LSAMP: variants seen among roughly 807,000 people sequenced by gnomAD.
The protein encoded by LSAMP is limbic system-associated membrane protein.
In LSAMP, 7 loss-of-function variants were observed where a neutral mutation model predicts 38.6. That is an observed-to-expected ratio of 0.18 (90% CI 0.10 to 0.34). The LOEUF is 0.34. LSAMP is among the 10% of genes least tolerant of loss of function. The pLI is 1.00. For synonymous variants in LSAMP, 154 were observed against 166.8 expected, an observed-to-expected ratio of 0.92 and a Z score of 0.59; for missense variants, 313 against 420.0, an observed-to-expected ratio of 0.75 and a Z score of 2.23.
chr3:115,879,578 C>T (rs1260135523), intron 3 of LSAMP, among the ~76,000 whole-genome samples: 7 of 152,082 alleles, frequency 4.6e-5, no homozygotes, highest in Non-Finnish European at 1.0e-4. Flanking sequence ...ATCATTAGTG[C>T]CTATAACATG....
intron 1 of LSAMP, 84 bp downstream of exon 1, chr3:116,444,787 GACACAC>G (rs61173418): frequency 1.8e-4 from 214 of 1,201,678 alleles, no homozygotes; most frequent in Non-Finnish European, 2.0e-4. Context: ...AAGGAGATCA[GACACAC>G]ACACACACAC....
At chr3:116,432,025 A>C (rs776837874) in intron 1 of LSAMP, among the ~76,000 whole-genome samples, 6 of 152,042 alleles carry the variant, frequency 3.9e-5, no homozygotes, top group Non-Finnish European at 7.4e-5. Flanking sequence ...AACAAAAAAC[A>C]TTGTCTGACT....
intron 1 of LSAMP, among the ~76,000 whole-genome samples, chr3:116,339,156 G>C (rs1435340265): frequency 6.6e-6 from 1 of 151,984 alleles, no homozygotes; most frequent in Non-Finnish European, 1.5e-5. Flanking sequence ...TACCAGGCAG[G>C]CTTTTGATAA....
chr3:116,206,377 G>T (rs1327873739), intron 1 of LSAMP, among the ~76,000 whole-genome samples: 2 of 151,098 alleles, frequency 1.3e-5, no homozygotes, highest in Non-Finnish European at 2.9e-5. Context: ...TTAATTTTTT[G>T]AAGGGTTTTT....
intron 2 of LSAMP, among the ~76,000 whole-genome samples, chr3:116,068,410 C>T (rs1707512680): frequency 6.6e-6 from 1 of 151,988 alleles, no homozygotes; most frequent in Non-Finnish European, 1.5e-5. Context: ...AACCTGTAGG[C>T]CTGCTTTGGG....
intron 3 of LSAMP, among the ~76,000 whole-genome samples, chr3:115,932,173 T>C (rs1937590726): frequency 6.6e-6 from 1 of 152,214 alleles, no homozygotes. Context: ...ATTACATTAT[T>C]TTAAACCTGA....
intron 1 of LSAMP, among the ~76,000 whole-genome samples, chr3:116,239,496 C>T (rs1228444035): frequency 6.6e-6 from 1 of 151,942 alleles, no homozygotes; most frequent in Non-Finnish European, 1.5e-5. Context: ...GTTTGTAAGA[C>T]AAAACAAGAT....
intron 1 of LSAMP, among the ~76,000 whole-genome samples, chr3:116,230,313 G>A (rs2046389206): frequency 6.6e-6 from 1 of 152,022 alleles, no homozygotes; most frequent in African/African-American, 2.4e-5. Context: ...CCTAGTTAGG[G>A]CTTCAGTATT....
intron 1 of LSAMP, among the ~76,000 whole-genome samples, chr3:116,306,221 A>C (rs1001861342): frequency 1.3e-5 from 2 of 152,040 alleles, no homozygotes; most frequent in Non-Finnish European, 2.9e-5. Flanking sequence ...AAGGTAGCAC[A>C]TTCTCCTTCT....
At chr3:116,049,102 C>G (rs957444203) in intron 2 of LSAMP, among the ~76,000 whole-genome samples, 4 of 152,190 alleles carry the variant, frequency 2.6e-5, no homozygotes, top group Non-Finnish European at 5.9e-5. Context: ...GTCTATGTTA[C>G]AGAGCATTGA....
intron 1 of LSAMP, among the ~76,000 whole-genome samples, chr3:116,302,345 C>G (rs1004854596): frequency 1.3e-5 from 2 of 152,140 alleles, no homozygotes; most frequent in African/African-American, 2.4e-5. Context: ...TTACCTGTTT[C>G]TCTTTTCATT....
intron 3 of LSAMP, among the ~76,000 whole-genome samples, chr3:115,997,713 G>GAT (rs376845636): frequency 0.077 from 6,942 of 89,962 alleles, 264 homozygotes; most frequent in South Asian, 0.1. Context: ...GACATTTTGG[G>GAT]ATATATATAT....
chr3:116,009,257 G>T (rs1207270419), intron 3 of LSAMP, among the ~76,000 whole-genome samples: 1 of 151,918 alleles, frequency 6.6e-6, no homozygotes, highest in Non-Finnish European at 1.5e-5. Flanking sequence ...TCAAACTGTG[G>T]CCCATAGAGC....
At chr3:116,190,896 T>C (rs1169296758) in intron 1 of LSAMP, among the ~76,000 whole-genome samples, 1 of 152,124 alleles carries the variant, frequency 6.6e-6, no homozygotes, top group African/African-American at 2.4e-5. Context: ...CTTCAACATG[T>C]GCTACTCTGA....
At chr3:115,945,338 C>T (rs1448687526) in intron 3 of LSAMP, among the ~76,000 whole-genome samples, 1 of 152,080 alleles carries the variant, frequency 6.6e-6, no homozygotes, top group African/African-American at 2.4e-5. Flanking sequence ...TAGGTCAGAG[C>T]TTGGACTAAG....
intron 3 of LSAMP, among the ~76,000 whole-genome samples, chr3:115,945,447 A>G (rs1170253156): frequency 2.0e-5 from 3 of 152,124 alleles, no homozygotes; most frequent in African/African-American, 7.2e-5. Context: ...TCTGGGCTCT[A>G]CAAGGCTGCA....
At chr3:116,205,034 G>T (rs2046046774) in intron 1 of LSAMP, among the ~76,000 whole-genome samples, 1 of 143,416 alleles carries the variant, frequency 7.0e-6, no homozygotes, top group African/African-American at 2.5e-5. Context: ...CTACCCATGA[G>T]CATGGAATGT....
At chr3:116,267,488 T>G (rs1251019216) in intron 1 of LSAMP, among the ~76,000 whole-genome samples, 1 of 151,858 alleles carries the variant, frequency 6.6e-6, no homozygotes, top group Non-Finnish European at 1.5e-5. Context: ...AGTCTTAGTA[T>G]CAATGAACTG....
intron 1 of LSAMP, among the ~76,000 whole-genome samples, chr3:116,375,674 T>G (rs1042487918): frequency 1.3e-5 from 2 of 151,956 alleles, no homozygotes; most frequent in African/African-American, 4.8e-5. Context: ...ATTTGTAATA[T>G]CTATAAGATA....
Sources: allele counts gnomAD v4.1 joint callset (sites outside exome capture counted in the v4.1 genomes callset), GRCh38; gene constraint gnomAD v4.1.1; transcripts MANE v1.5; gene names NCBI Gene and HGNC (gene_info 2026-07-23, HGNC 2026-07-21).